Variants in PRKAR1B observed in about 807,000 individuals in gnomAD.
PRKAR1B encodes protein kinase cAMP-dependent type I regulatory subunit beta.
Under a neutral mutation model 46.5 loss-of-function variants are expected in PRKAR1B, and 22 were observed. The ratio of observed to expected loss-of-function variants is 0.47; its 90% CI spans 0.34 to 0.68. The LOEUF is 0.68. PRKAR1B is among the 30% of genes least tolerant of loss of function. The pLI is 0.01. For missense variants in PRKAR1B, 445 were observed against 535.6 expected (o/e 0.83, Z 1.67); for synonymous variants, 259 against 217.7 (o/e 1.19, Z -1.67).
chr7:628,396 G>A (rs961473058), intron 4 of PRKAR1B, among the ~76,000 whole-genome samples: 8 of 152,238 alleles, frequency 5.3e-5, no homozygotes, highest in African/African-American at 9.6e-5. Context: ...GAGGGCAGGC[G>A]GGGTCCCCTC....
intron 9 of PRKAR1B, among the ~76,000 whole-genome samples, chr7:566,146 T>TCATTAC (rs566930593): frequency 1.3e-5 from 2 of 152,006 alleles, no homozygotes; most frequent in East Asian, 1.9e-4. Flanking sequence ...GCCACCTTTA[T>TCATTAC]CATTACCATT....
intron 4 of PRKAR1B, among the ~76,000 whole-genome samples, chr7:660,285 G>A (rs897917146): frequency 6.6e-6 from 1 of 151,968 alleles, no homozygotes; most frequent in Admixed American, 6.5e-5. Flanking sequence ...ATAGCTCAAT[G>A]GGGCCCAAGT....
At chr7:691,590 C>T in intron 2 of PRKAR1B, 1 of 1,304,354 alleles carries the variant, frequency 7.7e-7, no homozygotes, top group Non-Finnish European at 1.0e-6. Flanking sequence ...TCCTTTCGGA[C>T]AGCCCAAAGT....
chr7:687,896 G>C (rs1779179426), intron 2 of PRKAR1B, among the ~76,000 whole-genome samples: 1 of 151,934 alleles, frequency 6.6e-6, no homozygotes, highest in African/African-American at 2.4e-5. Context: ...AGCAGTTCAA[G>C]ACCAGCCTGG....
intron 1 of PRKAR1B, among the ~76,000 whole-genome samples, chr7:718,303 T>C (rs1372465532): frequency 1.4e-5 from 2 of 147,464 alleles, no homozygotes; most frequent in African/African-American, 5.0e-5. Flanking sequence ...CACATACACA[T>C]ATATACATAC....
intron 1 of PRKAR1B, chr7:712,718 C>G (rs2128530611): frequency 7.0e-6 from 1 of 143,222 alleles, no homozygotes; most frequent in South Asian, 2.2e-4. Flanking sequence ...TGTCGCCGCC[C>G]CCCGCCCCCT....
intron 3 of PRKAR1B, among the ~76,000 whole-genome samples, chr7:678,514 C>T (rs1419680385): frequency 2.0e-5 from 3 of 152,300 alleles, no homozygotes; most frequent in East Asian, 1.9e-4. Context: ...CAACAATTCC[C>T]CACTCCCTCT....
intron 4 of PRKAR1B, among the ~76,000 whole-genome samples, chr7:658,387 A>G (rs1430457680): frequency 1.3e-5 from 2 of 152,118 alleles, no homozygotes; most frequent in Non-Finnish European, 2.9e-5. Flanking sequence ...GTGATTTATG[A>G]CTGCACCACT....
chr7:590,272 C>T (rs949127339), intron 7 of PRKAR1B, among the ~76,000 whole-genome samples: 5 of 152,244 alleles, frequency 3.3e-5, no homozygotes, highest in Admixed American at 2.0e-4. Flanking sequence ...CAGCACAGCA[C>T]GGCAGGACTC....
At chr7:557,975 CA>C (rs35660352) in intron 9 of PRKAR1B, among the ~76,000 whole-genome samples, 12,467 of 152,138 alleles carry the variant, frequency 0.082, 1,018 homozygotes, top group Admixed American at 0.27. Flanking sequence ...AGGGGAATCA[CA>C]AAGGATTCAT....
At chr7:578,369 G>C (rs1015887236) in intron 9 of PRKAR1B, among the ~76,000 whole-genome samples, 2 of 152,224 alleles carry the variant, frequency 1.3e-5, no homozygotes, top group South Asian at 4.1e-4. Flanking sequence ...CCTGCCTGTG[G>C]TGGGGCCGTG....
At position 591,381 on chromosome 7, in the gene PRKAR1B, C is replaced by T. The variant is rs1036988062; in HGVS notation, c.708+4765G>A. On this transcript the variant is annotated intron_variant, in intron 7 of 10. Coordinates refer to ENST00000537384, the MANE Select transcript of PRKAR1B (RefSeq NM_001164760.2). ...GGCAGGTGACCCCCATTTCCAGGTA[C>T]AGGGCTTCCTCAAGCCCACGGCACG... is the stretch of plus-strand genomic sequence containing the variant. Among the ~76,000 whole-genome samples, 134 of 152,334 alleles carry T rather than the reference C, an allele frequency of 8.8e-4. 2 individuals are homozygous for T. Among genetic ancestry groups the T allele is most frequent in the South Asian group, 4.1e-4 (2 of 4,830 alleles).
chr7:589,637 C>T (rs549145656), intron 7 of PRKAR1B, among the ~76,000 whole-genome samples: 5 of 152,308 alleles, frequency 3.3e-5, no homozygotes, highest in East Asian at 1.9e-4. Flanking sequence ...AGAACTGAAA[C>T]GGGACAATCT....
rs183862416 is a variant in PRKAR1B, at chr7:678,111, A to G, written c.349-791T>C. 1.4e-3 allele frequency among the ~76,000 whole-genome samples: 207 copies of G among 152,270 alleles called. 1 individual carries two copies. The highest frequency in any genetic ancestry group is 4.6e-3 in the African/African-American group (191 of 41,546). ...CATGGTGAAACCCCATCTCTACTAA[A>G]AATACAAAAATTAGCTGGGAAAGGT... On this transcript the variant is annotated intron_variant, in intron 3 of 10. Transcript: ENST00000537384.
intron 4 of PRKAR1B, among the ~76,000 whole-genome samples, chr7:664,842 A>G (rs1211242746): frequency 6.6e-6 from 1 of 152,186 alleles, no homozygotes; most frequent in East Asian, 1.9e-4. Flanking sequence ...TGAGCCCAGG[A>G]AGTCGAGGCT....
In PRKAR1B at chr7:615,195, G is replaced by T. The variant is rs187399205; in HGVS notation, c.441-7743C>A. On this transcript the variant is annotated intron_variant, in intron 4 of 10. Coordinates refer to ENST00000537384, the MANE Select transcript of PRKAR1B (RefSeq NM_001164760.2). Reference sequence around the variant, plus strand: ...AATCCCAGCACTTTGGAAGCCCAAGGCAGGCGGATCACAAGGTCGGAAGAT... The same window carrying T: ...AATCCCAGCACTTTGGAAGCCCAAGTCAGGCGGATCACAAGGTCGGAAGAT... Among the ~76,000 whole-genome samples the T allele has an allele frequency of 5.9e-5, 9 of 152,254 alleles. No homozygotes were observed. The East Asian group carries it at 1.7e-3, about 30-fold the overall frequency.
chr7:707,331 G>A (rs902156976), intron 2 of PRKAR1B, among the ~76,000 whole-genome samples: 3 of 152,174 alleles, frequency 2.0e-5, no homozygotes, highest in Non-Finnish European at 2.9e-5. Context: ...CATTTTGGCG[G>A]ACGCCCCTCA....
At chr7:717,981 T>C (rs548030123) in intron 1 of PRKAR1B, among the ~76,000 whole-genome samples, 116 of 152,252 alleles carry the variant, frequency 7.6e-4, no homozygotes, top group Non-Finnish European at 1.4e-3. Flanking sequence ...ACTCTCTCCC[T>C]TGCTGGCTTT....
rs533545644 is a variant in PRKAR1B at position 684,562 on chromosome 7, TTC to T, written c.178-3838_178-3837del. On this transcript the variant is annotated intron_variant, in intron 2 of 10. Transcript: ENST00000537384. The stretch of plus-strand genomic sequence containing the variant: ...AGCAGCCCGGGGTATGTGAAGCAGG[TTC>T]TCCCGGATCCACGGAGGGAACGGTT... Among the ~76,000 whole-genome samples the T allele has an allele frequency of 2.1e-3, 315 of 152,212 alleles. 2 individuals are homozygous for T. The highest frequency in any genetic ancestry group is 6.8e-3 in the Middle Eastern group (2 of 294).
Sources: allele counts gnomAD v4.1 joint callset (sites outside exome capture counted in the v4.1 genomes callset), GRCh38; gene constraint gnomAD v4.1.1; transcripts MANE v1.5; gene names NCBI Gene and HGNC (gene_info 2026-07-23, HGNC 2026-07-21).